TATDN3: variants seen among roughly 807,000 people sequenced by gnomAD.
TATDN3 encodes deoxyribonuclease TATDN3.
In TATDN3, 29 loss-of-function variants were observed where a neutral mutation model predicts 40.1. The observed-to-expected ratio is 0.72, with a 90% CI of 0.54 to 0.99. The LOEUF is 0.99. Ranked by LOEUF, TATDN3 falls within the 50% of genes least tolerant of loss-of-function variation. TATDN3 has a pLI of 0.00. For missense variants in TATDN3, 309 were observed against 321.9 expected (o/e 0.96, Z 0.31); for synonymous variants, 105 against 117.0 (o/e 0.90, Z 0.66).
chr1:212,810,578 T>C (rs555375401), intron 8 of TATDN3, among the ~76,000 whole-genome samples: 2 of 149,616 alleles, frequency 1.3e-5, no homozygotes, highest in Admixed American at 6.7e-5. Flanking sequence ...TCCCAACTAC[T>C]TGGGAGGCTG....
rs1168377370 is a variant in TATDN3 at position 212,816,373 on chromosome 1, C to G, written c.*1217C>G. 2.0e-5 allele frequency: 3 copies of G among 152,106 alleles called. No homozygotes were observed. Among genetic ancestry groups the G allele is most frequent in the Admixed American group, 2.0e-4 (3 of 15,266 alleles). 9.4% of individuals were successfully genotyped at this position (152,106 alleles called of 1,614,324 possible). On this transcript the variant is annotated 3_prime_UTR_variant, in exon 10 of 10. Coordinates refer to ENST00000366974, the MANE Select transcript of TATDN3 (RefSeq NM_001042552.3). ...AAAAATCTCAAGTGTAAAAACAGTT[C>G]TGTAGATAGATGGTAGTGATGGTAG...
chr1:212,794,902 G>A, intron 1 of TATDN3, 193 bp from the exon 2 acceptor site: 1 of 658,546 alleles, frequency 1.5e-6, no homozygotes, highest in Non-Finnish European at 2.8e-6. Flanking sequence ...TTTTAGTGCT[G>A]GGAACAGTAG....
intron 7 of TATDN3, among the ~76,000 whole-genome samples, chr1:212,805,219 G>A (rs1195537867): frequency 6.8e-6 from 1 of 146,762 alleles, no homozygotes; most frequent in Non-Finnish European, 1.5e-5. Context: ...GCCTCAGCCT[G>A]CCAAAGTGCT....
intron 8 of TATDN3, among the ~76,000 whole-genome samples, chr1:212,810,493 CAG>C (rs1449247509): frequency 2.6e-5 from 3 of 116,254 alleles, no homozygotes; most frequent in African/African-American, 9.9e-5. Context: ...GCCTGGGTGA[CAG>C]AGCGAGACTC....
Position 212,815,114 on chromosome 1 carries a change from A to C in TATDN3, c.783A>C (p.Ala261=), listed in dbSNP as rs1376378711. 5.6e-6 allele frequency: 9 copies of C among 1,613,906 alleles called. No homozygotes were observed. Among genetic ancestry groups the C allele is most frequent in the Non-Finnish European group, 7.6e-6 (9 of 1,179,956 alleles). The change falls in exon 10 of 10, where the codon GCA becomes GCC. Residue 261 remains alanine, a synonymous_variant. Transcript: ENST00000366974. ...TTATAGAAGTGACGACACAGAATGC[A>C]TTAAAACTGTTTCCTAAGCTCCGAC... ...EEVIEVTTQN[A]LKLFPKLRHL...
intron 8 of TATDN3, 136 bp from the exon 9 acceptor site, chr1:212,812,112 C>T (rs553419994): frequency 7.4e-4 from 397 of 539,568 alleles, no homozygotes; most frequent in African/African-American, 7.2e-3. Flanking sequence ...GGATTACAGG[C>T]GTGAGCCACC....
intron 8 of TATDN3, among the ~76,000 whole-genome samples, chr1:212,808,312 C>CAAAAAAAAAAAAA (rs34100841): frequency 9.0e-6 from 1 of 111,462 alleles, no homozygotes. Context: ...AACTCCATCT[C>CAAAAAAAAAAAAA]AAAAAAAAAA....
chr1:212,808,015 A>C (rs2102471208), intron 8 of TATDN3, among the ~76,000 whole-genome samples, 167 bp downstream of exon 8: 1 of 152,256 alleles, frequency 6.6e-6, no homozygotes, highest in East Asian at 1.9e-4. Context: ...AAAGACTTAA[A>C]TATAAAACCA....
intron 7 of TATDN3, among the ~76,000 whole-genome samples, chr1:212,806,656 CA>C (rs1247110560): frequency 1.3e-5 from 2 of 148,588 alleles, no homozygotes; most frequent in Admixed American, 6.8e-5. Flanking sequence ...GCTGGGATTA[CA>C]GACATGAGCC....
intron 7 of TATDN3, among the ~76,000 whole-genome samples, chr1:212,806,434 G>A (rs534148377): frequency 3.5e-5 from 5 of 143,960 alleles, no homozygotes; most frequent in Non-Finnish European, 6.0e-5. Flanking sequence ...GCAGTGGGGC[G>A]ATCTCTGCTC....
intron 3 of TATDN3, 101 bp from the exon 4 acceptor site, chr1:212,796,999 GTGCTGGAATTAC>G: frequency 1.3e-6 from 1 of 772,566 alleles, no homozygotes; most frequent in Non-Finnish European, 2.2e-6. Context: ...GCCTCCCAAA[GTGCTGGAATTAC>G]AGACATAAGC....
intron 8 of TATDN3, among the ~76,000 whole-genome samples, chr1:212,811,991 G>A (rs1017265437): frequency 2.6e-5 from 4 of 151,804 alleles, no homozygotes; most frequent in African/African-American, 7.3e-5. Context: ...ATGAGCCACT[G>A]TGCCTGGCAA....
intron 2 of TATDN3, among the ~76,000 whole-genome samples, chr1:212,795,791 T>C (rs917484341): frequency 2.6e-5 from 4 of 152,168 alleles, no homozygotes; most frequent in African/African-American, 7.2e-5. Context: ...ATTCAATGTT[T>C]CACAATAGCC....
At chr1:212,803,323 C>T (rs906762440) in intron 5 of TATDN3, among the ~76,000 whole-genome samples, 4 of 151,896 alleles carry the variant, frequency 2.6e-5, no homozygotes, top group African/African-American at 9.7e-5. Context: ...GCTGGGATTA[C>T]AGGCATGCAC....
rs752952752 is a variant in TATDN3 at position 212,792,632 on chromosome 1, C to CAAAAAAAAAA, written c.66+657_66+666dup. 1.2e-3 allele frequency among the ~76,000 whole-genome samples: 93 copies of CAAAAAAAAAA among 75,088 alleles called. 3 individuals carry two copies. The highest frequency in any genetic ancestry group is 3.9e-3 in the African/African-American group (58 of 14,968). The allele number at this position is 75,088 out of a possible 152,430, so 49.3% of individuals were successfully genotyped here. On this transcript the variant is annotated intron_variant, in intron 1 of 9. Coordinates refer to ENST00000366974, the MANE Select transcript of TATDN3 (RefSeq NM_001042552.3). Reference sequence around the variant, plus strand: ...CCTGGGTAACAGTGAGACCCTGTCTCAAAAAAAAAAAAAAAAAAAAATTCA... The same window carrying CAAAAAAAAAA: ...CCTGGGTAACAGTGAGACCCTGTCTCAAAAAAAAAAAAAAAAAAAAAAAAAAAAAAATTCA...
At position 212,802,963 on chromosome 1, in the gene TATDN3, G is replaced by A. The variant is rs558792186; in HGVS notation, c.321+200G>A. Among the ~76,000 whole-genome samples the A allele has an allele frequency of 7.2e-5, 11 of 152,034 alleles. No homozygotes were observed. The South Asian group carries it at 2.3e-3, about 32-fold the overall frequency. On this transcript the variant is annotated intron_variant, in intron 5 of 9. Transcript: ENST00000366974. ...GAAACAATCAAAAGCCTTACCATAG[G>A]CCTACCTTAATTGGAGAAAAATAAT...
chr1:212,796,829 C>T (rs1661798883), intron 3 of TATDN3: 2 of 473,200 alleles, frequency 4.2e-6, no homozygotes, highest in Non-Finnish European at 7.5e-6. Flanking sequence ...CCTCTGCCTC[C>T]TGGTTTCAAG....
At position 212,791,916 on chromosome 1, in the gene TATDN3, GGCGCAAT is replaced by G; in HGVS notation, c.-2_5del. 1 of 1,613,490 alleles carries G rather than the reference GGCGCAAT, an allele frequency of 6.2e-7. No individual in the cohort carries two copies. Among genetic ancestry groups the G allele is most frequent in the Non-Finnish European group, 8.5e-7 (1 of 1,179,802 alleles). On this transcript the variant is annotated start_lost and 5_prime_UTR_variant, in exon 1 of 10. Transcript: ENST00000366974. ...GCCGGTCTAAAGCGGCAGCCGCCGGGGCGCAATGCGAGCGGCTGGCGTAGGCTTGGTG... is the reference window on the plus strand; with the variant it reads ...GCCGGTCTAAAGCGGCAGCCGCCGGGGCGAGCGGCTGGCGTAGGCTTGGTG...
intron 4 of TATDN3, 107 bp downstream of exon 4, chr1:212,797,303 A>T: frequency 2.4e-6 from 2 of 824,306 alleles, no homozygotes; most frequent in Non-Finnish European, 3.8e-6. Context: ...ATAATCCAAA[A>T]GAAGGAAACA....
Sources: gnomAD v4.1 joint callset for allele counts (sites outside exome capture counted in the v4.1 genomes callset) on GRCh38, gnomAD v4.1.1 for gene constraint, MANE v1.5 for transcripts, NCBI Gene and HGNC (gene_info 2026-07-23, HGNC 2026-07-21) for gene names.